PLTP: variants seen among roughly 807,000 people sequenced by gnomAD.
The protein encoded by PLTP is BPI fold containing family E.
A neutral mutation model predicts 54.1 loss-of-function variants in PLTP; 43 were observed. The observed-to-expected ratio is 0.79, with a 90% CI of 0.62 to 1.02. The LOEUF (loss-of-function observed/expected upper bound fraction) is 1.02, where lower values mean the gene tolerates loss of function less well. PLTP is among the 50% of genes least tolerant of loss of function. PLTP has a pLI of 0.00. For missense variants in PLTP, 604 were observed against 645.9 expected (o/e 0.94, Z 0.70); for synonymous variants, 263 against 264.6 (o/e 0.99, Z 0.06).
At chr20:45,899,378 G>T in intron 15 of PLTP, 84 bp downstream of exon 15, 2 of 1,401,960 alleles carry the variant, frequency 1.4e-6, no homozygotes, top group Non-Finnish European at 1.0e-6. Flanking sequence ...TAATGGGGGA[G>T]CTGGGGTCAG....
intron 15 of PLTP, 132 bp downstream of exon 15, chr20:45,899,329 CT>C: frequency 2.0e-6 from 2 of 1,016,534 alleles, no homozygotes; most frequent in Non-Finnish European, 1.5e-6. Context: ...TGTGCAACGG[CT>C]TTTAGGAGTC....
intron 10 of PLTP, among the ~76,000 whole-genome samples, chr20:45,904,570 G>A (rs1348405900): frequency 1.3e-5 from 2 of 152,238 alleles, no homozygotes; most frequent in African/African-American, 2.4e-5. Flanking sequence ...TGCAAAGCTT[G>A]GGTTCTCACT....
rs11569633 is a variant in PLTP at position 45,911,096 on chromosome 20, C to T, written c.200+56G>A. On this transcript the variant is annotated intron_variant, in intron 3 of 15. Coordinates refer to ENST00000372431, the MANE Select transcript of PLTP (RefSeq NM_006227.4). ...CCCGAGACCCTGAGATTTCTCGGGC[C>T]CCGCCTCCACCGCCGAGGCCCCGCC... is the stretch of plus-strand genomic sequence containing the variant. 9.9e-3 allele frequency: 15,952 copies of T among 1,610,918 alleles called. 103 individuals carry two copies. Among genetic ancestry groups the T allele is most frequent in the Non-Finnish European group, 0.012 (14,419 of 1,177,914 alleles).
chr20:45,902,671 G>A (rs2083198859), intron 10 of PLTP, 67 bp from the exon 11 acceptor site: 2 of 1,481,916 alleles, frequency 1.3e-6, no homozygotes, highest in Non-Finnish European at 1.8e-6. Flanking sequence ...AGGGAAGAAG[G>A]GGAAGGAAGG....
chr20:45,908,148 C>A (rs181744537), intron 5 of PLTP, among the ~76,000 whole-genome samples: 344 of 152,232 alleles, frequency 2.3e-3, no homozygotes, highest in Non-Finnish European at 3.2e-3. Flanking sequence ...TTGCCTCAAA[C>A]CCACTCTGAG....
chr20:45,909,319 A>G (rs1376246920), intron 5 of PLTP, among the ~76,000 whole-genome samples, 197 bp downstream of exon 5: 3 of 150,884 alleles, frequency 2.0e-5, no homozygotes, highest in Non-Finnish European at 4.4e-5. Flanking sequence ...ACGATCTTAT[A>G]AAATAGGATC....
At position 45,899,458 on chromosome 20, in the gene PLTP, T is replaced by TCACCGCATGGTTCGTCAC. The variant is rs1459341236; in HGVS notation, c.1345_1359+3dup. The TCACCGCATGGTTCGTCAC allele has an allele frequency of 6.2e-7, 1 of 1,613,938 alleles. No homozygotes were observed. The highest frequency in any genetic ancestry group is 8.5e-7 in the Non-Finnish European group (1 of 1,179,938). ...CCCTCCTTCCCCATCCTGCCCCCAC[T>TCACCGCATGGTTCGTCAC]CACCGCATGGTTCGTCACCACCTCA... On this transcript the variant is annotated splice_donor_region_variant and intron_variant, in intron 15 of 15. Coordinates refer to ENST00000372431, the MANE Select transcript of PLTP (RefSeq NM_006227.4).
chr20:45,902,492 A>G lies in PLTP; in HGVS notation c.1055T>C (p.Ile352Thr), dbSNP rs935673525. Residue 352 changes from isoleucine (I) to threonine (T), a missense_variant, in exon 11 of 16, where the codon ATT (isoleucine) becomes ACT (threonine). Transcript: ENST00000372431. ...AGGCTGGTCTGGTGGGACCAGGGCA[A>G]TGGTGACGCTAGCAGTGACAGAGAT... ...TTISVTASVTIALVPPDQPEV... is the reference protein window; with the variant it reads ...TTISVTASVTTALVPPDQPEV... 12 of 1,614,186 alleles carry G rather than the reference A, an allele frequency of 7.4e-6. No homozygotes were observed. The highest frequency in any genetic ancestry group is 9.3e-6 in the Non-Finnish European group (11 of 1,180,004).
At chr20:45,899,812 G>GGGCCCCCCCCCCCCCCCCCC in intron 13 of PLTP, 24 bp downstream of exon 13, 1 of 309,346 alleles carries the variant, frequency 3.2e-6, no homozygotes, top group Non-Finnish European at 6.2e-6. Flanking sequence ...ACCCAGCCCA[G>GGGCCCCCCCCCCCCCCCCCC]CCCACCCACC....
At chr20:45,899,916 G>A (rs2083164806) in intron 12 of PLTP, 38 bp from the exon 13 acceptor site, 3 of 1,538,994 alleles carry the variant, frequency 1.9e-6, no homozygotes, top group Non-Finnish European at 8.8e-7. Flanking sequence ...CAGGAAGCCT[G>A]GAAGCTCCCC....
rs776169833 is a variant in PLTP at position 45,904,971 on chromosome 20, C to A, written c.853G>T (p.Ala285Ser). ...SAMESYFRAG[A>S]LQLLLVGDKV... is the part of the protein sequence containing the mutation. ...TCCCCCACCAGCAACAGCTGCAGGG[C>A]CCCCGCCCGGAAGTAGCTCTCCATG... is the stretch of plus-strand genomic sequence containing the variant. The change falls in exon 9 of 16, where the codon GCC becomes TCC. Residue 285 changes from alanine to serine, a missense_variant. Transcript: ENST00000372431. 1.2e-6 allele frequency: 2 copies of A among 1,614,230 alleles called. No homozygotes were observed. The highest frequency in any genetic ancestry group is 3.3e-5 in the Admixed American group (2 of 60,030).
At chr20:45,911,332 C>CT in intron 2 of PLTP, 21 bp downstream of exon 2, 1 of 1,613,764 alleles carries the variant, frequency 6.2e-7, no homozygotes. Context: ...CCGTCCGTCC[C>CT]TGTCTGCCCC....
chr20:45,909,068 G>A (rs968127599), intron 5 of PLTP, among the ~76,000 whole-genome samples: 3 of 149,264 alleles, frequency 2.0e-5, no homozygotes, highest in African/African-American at 4.9e-5. Flanking sequence ...GGGTTCAAGC[G>A]ATTCTCCTGC....
intron 15 of PLTP, 122 bp downstream of exon 15, chr20:45,899,340 C>CT: frequency 1.8e-6 from 2 of 1,106,082 alleles, no homozygotes; most frequent in Admixed American, 1.9e-5. Context: ...TTTTAGGAGT[C>CT]TAAGATTAAA....
At chr20:45,905,355 G>A (rs150131496) in intron 8 of PLTP, among the ~76,000 whole-genome samples, 1 of 152,344 alleles carries the variant, frequency 6.6e-6, no homozygotes, top group East Asian at 1.9e-4. Flanking sequence ...CAGGGAAGAG[G>A]TGACATCTGA....
chr20:45,899,127 A>G (rs1019938194), intron 15 of PLTP, 64 bp from the exon 16 acceptor site: 2 of 1,603,728 alleles, frequency 1.2e-6, no homozygotes, highest in Non-Finnish European at 1.7e-6. Flanking sequence ...TTTAGAGATC[A>G]AGAGACAGAG....
chr20:45,910,749 C>G (rs1600484148), intron 3 of PLTP: 2 of 890,248 alleles, frequency 2.2e-6, no homozygotes, highest in Non-Finnish European at 2.9e-6. Flanking sequence ...CATCTCAATT[C>G]CTTATTCCCC....
intron 1 of PLTP, chr20:45,911,835 T>G: frequency 2.9e-6 from 1 of 347,434 alleles, no homozygotes. Context: ...TGCACGCGCA[T>G]TCTTGGAGGG....
Position 45,912,092 on chromosome 20 carries a change from T to TG in PLTP, c.-26dup. ...GCCCCAACTCACTCAGCGGTGGAGC[T>TG]GGGGGGCGGCGCGGTCACGTGGGAT... On this transcript the variant is annotated 5_prime_UTR_variant, in exon 1 of 16. Transcript: ENST00000372431. 6.5e-6 allele frequency: 1 copy of TG among 154,474 alleles called. No homozygotes were observed. The highest frequency in any genetic ancestry group is 1.4e-5 in the Non-Finnish European group (1 of 69,530). 9.6% of individuals were successfully genotyped at this position (154,474 alleles called of 1,614,324 possible).
Sources: gnomAD v4.1 joint callset for allele counts (sites outside exome capture counted in the v4.1 genomes callset) on GRCh38, gnomAD v4.1.1 for gene constraint, MANE v1.5 for transcripts, NCBI Gene and HGNC (gene_info 2026-07-23, HGNC 2026-07-21) for gene names.